The following ZNF804A variants were observed in gnomAD, a reference collection of about 807,000 sequenced individuals.
ZNF804A encodes zinc finger protein 804A.
Under a neutral mutation model 16.5 loss-of-function variants are expected in ZNF804A, and 2 were observed. That is an observed-to-expected ratio of 0.12 (90% CI 0.05 to 0.38). The LOEUF (loss-of-function observed/expected upper bound fraction) is 0.38, where lower values mean the gene tolerates loss of function less well. ZNF804A is among the 10% of genes least tolerant of loss of function. ZNF804A has a pLI of 0.99. For synonymous variants in ZNF804A, 534 were observed against 489.6 expected (o/e 1.09, Z -1.20); for missense variants, 1,473 against 1,390.7 (o/e 1.06, Z -0.94).
intron 1 of ZNF804A, among the ~76,000 whole-genome samples, chr2:184,737,493 C>T (rs1038593087): frequency 6.6e-6 from 1 of 152,064 alleles, no homozygotes; most frequent in African/African-American, 2.4e-5. Context: ...CAATGATAGT[C>T]ATTTGTGTAA....
rs1323985857 is a variant in ZNF804A at position 184,697,287 on chromosome 2, A to T, written c.111+98217A>T. Among the ~76,000 whole-genome samples, 9 of 152,066 alleles carry T rather than the reference A, an allele frequency of 5.9e-5. No homozygotes were observed. In the East Asian group the frequency reaches 1.7e-3, roughly 29 times the overall value. ...AAGCTAAAAAAATATGCTTTCTGTT[A>T]CATGAAGAGATAAGGAAGATGAGAA... On this transcript the variant is annotated intron_variant, in intron 1 of 3. Coordinates refer to ENST00000302277, the MANE Select transcript of ZNF804A (RefSeq NM_194250.2).
At position 184,938,448 on chromosome 2, in the gene ZNF804A, G is replaced by GT; in HGVS notation, c.3053dup (p.Thr1019AsnfsTer3). On this transcript the variant is annotated frameshift_variant, in exon 4 of 4. Coordinates refer to ENST00000302277, the MANE Select transcript of ZNF804A (RefSeq NM_194250.2). LOFTEE classifies it low-confidence loss of function (END_TRUNC). ...AGCACATGTCAGTGGTCATACTTTTGTAACAGCTGAGCAAATCCTGGCTCC... is the reference window on the plus strand; with the variant it reads ...AGCACATGTCAGTGGTCATACTTTTGTTAACAGCTGAGCAAATCCTGGCTCC... 1 of 1,613,970 alleles carries GT rather than the reference G, an allele frequency of 6.2e-7. No homozygotes were observed. Among genetic ancestry groups the GT allele is most frequent in the Non-Finnish European group, 8.5e-7 (1 of 1,180,004 alleles).
At chr2:184,778,264 G>T (rs1694318870) in intron 1 of ZNF804A, among the ~76,000 whole-genome samples, 1 of 151,456 alleles carries the variant, frequency 6.6e-6, no homozygotes. Context: ...TATTCATTGA[G>T]CATATAACTC....
At chr2:184,660,762 T>G (rs1445046815) in intron 1 of ZNF804A, among the ~76,000 whole-genome samples, 2 of 152,210 alleles carry the variant, frequency 1.3e-5, no homozygotes, top group Non-Finnish European at 2.9e-5. Context: ...GAAAACTGTG[T>G]GAGACAATCT....
intron 1 of ZNF804A, among the ~76,000 whole-genome samples, chr2:184,718,765 G>A (rs1369292941): frequency 3.3e-5 from 5 of 152,158 alleles, no homozygotes; most frequent in African/African-American, 4.8e-5. Context: ...ACTTTGCAAG[G>A]TATAGCCTCC....
chr2:184,747,697 CTTTTAT>C (rs1693811175), intron 1 of ZNF804A, among the ~76,000 whole-genome samples: 2 of 150,204 alleles, frequency 1.3e-5, no homozygotes, highest in Non-Finnish European at 3.0e-5. Flanking sequence ...TTAATTTTAG[CTTTTAT>C]TTTAGATACA....
chr2:184,754,670 A>G lies in ZNF804A; in HGVS notation c.112-111699A>G, dbSNP rs553950097. Among the ~76,000 whole-genome samples, 18 of 151,960 alleles carry G rather than the reference A, an allele frequency of 1.2e-4. No individual in the cohort carries two copies. In the East Asian group the frequency reaches 3.3e-3, roughly 28 times the overall value. On this transcript the variant is annotated intron_variant, in intron 1 of 3. Coordinates refer to ENST00000302277, the MANE Select transcript of ZNF804A (RefSeq NM_194250.2). ...TTTTTCTTTGAATTATATATTTATC[A>G]TTGCAGTATTTGGTATGCAGTGTTA...
chr2:184,789,118 C>T (rs1356848060), intron 1 of ZNF804A, among the ~76,000 whole-genome samples: 2 of 151,968 alleles, frequency 1.3e-5, no homozygotes, highest in African/African-American at 4.8e-5. Flanking sequence ...GTACTTAGTT[C>T]TGTTAATTAG....
intron 2 of ZNF804A, among the ~76,000 whole-genome samples, chr2:184,925,865 C>T (rs1157755377): frequency 1.3e-5 from 2 of 151,698 alleles, no homozygotes; most frequent in African/African-American, 4.8e-5. Context: ...ACTTTGTTCC[C>T]CTCCTATTTT....
At chr2:184,718,901 A>T (rs1693254814) in intron 1 of ZNF804A, among the ~76,000 whole-genome samples, 1 of 152,120 alleles carries the variant, frequency 6.6e-6, no homozygotes, top group South Asian at 2.1e-4. Context: ...CAGCTCAAGC[A>T]GGCGGTGCCC....
chr2:184,671,283 A>T (rs1692336140), intron 1 of ZNF804A, among the ~76,000 whole-genome samples: 1 of 152,198 alleles, frequency 6.6e-6, no homozygotes, highest in African/African-American at 2.4e-5. Flanking sequence ...CAAGGAAACT[A>T]ATCTGTTTAG....
intron 2 of ZNF804A, among the ~76,000 whole-genome samples, chr2:184,913,778 G>A (rs187663403): frequency 1.3e-5 from 2 of 152,082 alleles, no homozygotes; most frequent in East Asian, 3.9e-4. Context: ...TTCCACCAAG[G>A]TCACTCAATA....
intron 2 of ZNF804A, among the ~76,000 whole-genome samples, chr2:184,929,350 G>A (rs1442694002): frequency 2.6e-5 from 4 of 152,014 alleles, no homozygotes; most frequent in African/African-American, 4.8e-5. Context: ...TGCTTTCTTT[G>A]GAAAATACGG....
In ZNF804A at chr2:184,598,924, A is replaced by AGCGGCGGCT. The variant is rs773431036; in HGVS notation, c.-28_-20dup. The AGCGGCGGCT allele has an allele frequency of 1.4e-6, 2 of 1,438,128 alleles. No individual in the cohort carries two copies. The highest frequency in any genetic ancestry group is 2.0e-5 in the Admixed American group (1 of 50,830). 89.1% of individuals were successfully genotyped at this position (1,438,128 alleles called of 1,614,324 possible). A position where few individuals can be genotyped will look rare whatever the true frequency, so the allele number is the denominator to read the frequency against. On this transcript the variant is annotated 5_prime_UTR_variant, in exon 1 of 4. Transcript: ENST00000302277. ...CGGCTGTGGGCGCGGGGTGCGTGGA[A>AGCGGCGGCT]GCGGCGGCTGCGGCGGAGGAGGCGG...
chr2:184,809,514 C>T (rs1460943766), intron 1 of ZNF804A, among the ~76,000 whole-genome samples: 2 of 151,698 alleles, frequency 1.3e-5, no homozygotes, highest in African/African-American at 4.8e-5. Context: ...TTTATTTAGT[C>T]ATTGAAAAGA....
At chr2:184,720,228 C>G (rs895580208) in intron 1 of ZNF804A, among the ~76,000 whole-genome samples, 3 of 152,138 alleles carry the variant, frequency 2.0e-5, no homozygotes, top group African/African-American at 7.2e-5. Flanking sequence ...CCACAGGGTC[C>G]CTCCCATAAC....
Position 184,832,532 on chromosome 2 carries a change from G to A in ZNF804A, c.112-33837G>A, listed in dbSNP as rs143318402. 8.9e-3 allele frequency among the ~76,000 whole-genome samples: 1,358 copies of A among 151,986 alleles called. 23 individuals are homozygous for A. The highest frequency in any genetic ancestry group is 0.031 in the African/African-American group (1,298 of 41,504). On this transcript the variant is annotated intron_variant, in intron 1 of 3. Transcript: ENST00000302277. ...TGTTCTGGCCTAAATATTGGGTCCA[G>A]TTATCTTCTTTCATATTAAGACTTA...
intron 1 of ZNF804A, among the ~76,000 whole-genome samples, chr2:184,672,503 C>G (rs893824220): frequency 4.6e-5 from 7 of 152,184 alleles, no homozygotes; most frequent in African/African-American, 1.7e-4. Flanking sequence ...AACAACATCA[C>G]TGACCTTTTA....
intron 1 of ZNF804A, among the ~76,000 whole-genome samples, chr2:184,710,977 G>A (rs1025693799): frequency 4.6e-5 from 7 of 151,762 alleles, no homozygotes; most frequent in African/African-American, 1.7e-4. Context: ...TGAAAGTCCA[G>A]ATTTTTTTGG....
Sources: gnomAD v4.1 joint callset for allele counts (sites outside exome capture counted in the v4.1 genomes callset) on GRCh38, gnomAD v4.1.1 for gene constraint, MANE v1.5 for transcripts, NCBI Gene and HGNC (gene_info 2026-07-23, HGNC 2026-07-21) for gene names.